The following TCF20 variants were observed in gnomAD, a reference collection of about 807,000 sequenced individuals.
TCF20 encodes transcription factor 20.
Under a neutral mutation model 148.6 loss-of-function variants are expected in TCF20, and 3 were observed. That is an observed-to-expected ratio of 0.02 (90% confidence interval 0.01 to 0.05). The LOEUF (loss-of-function observed/expected upper bound fraction) is 0.05. Among genes scored for constraint, TCF20 ranks in the 10% least tolerant of loss-of-function variants. The probability of loss-of-function intolerance (pLI) is 1.00; values close to 1 mark genes in which losing one functional copy is unlikely to be tolerated. For synonymous variants in TCF20, 1,049 were observed against 909.5 expected (o/e 1.15, Z -2.76); for missense variants, 2,350 against 2,429.3 (o/e 0.97, Z 0.69).
chr22:42,311,997 G>A (rs1343301183), intron 1 of TCF20, among the ~76,000 whole-genome samples: 3 of 152,180 alleles, frequency 2.0e-5, no homozygotes, highest in Admixed American at 6.5e-5. Flanking sequence ...AATCACAAAC[G>A]GTAAAACTTC....
intron 2 of TCF20, among the ~76,000 whole-genome samples, chr22:42,190,620 A>G (rs957644805): frequency 6.6e-5 from 10 of 152,244 alleles, no homozygotes; most frequent in South Asian, 2.1e-4. Flanking sequence ...CAGCACAGAC[A>G]TCCAGGAGGA....
chr22:42,223,060 G>A (rs1426982696), intron 1 of TCF20, among the ~76,000 whole-genome samples: 1 of 152,114 alleles, frequency 6.6e-6, no homozygotes, highest in Non-Finnish European at 1.5e-5. Context: ...GAGGCAGGAG[G>A]ATCACTTGAG....
intron 2 of TCF20, among the ~76,000 whole-genome samples, chr22:42,207,224 G>A (rs748588295): frequency 5.3e-5 from 8 of 151,936 alleles, no homozygotes; most frequent in Admixed American, 4.6e-4. Flanking sequence ...CAAAGTCCGC[G>A]CACTGAATCA....
Position 42,211,911 on chromosome 22 carries a change from ACT to A in TCF20, c.3393_3394del (p.Arg1131SerfsTer8). Reference sequence around the variant, plus strand: ...TTTGTCATTTTTCAGAGGGCTCCGTACTCTGTCAAGAAACTGCTGCTGCCTTG... The same window carrying A: ...TTTGTCATTTTTCAGAGGGCTCCGTACTGTCAAGAAACTGCTGCTGCCTTG... On this transcript the variant is annotated frameshift_variant, in exon 2 of 6. Transcript: ENST00000677622. LOFTEE classifies it high-confidence loss of function. The A allele has an allele frequency of 6.2e-7, 1 of 1,613,908 alleles. No homozygotes were observed. Among genetic ancestry groups the A allele is most frequent in the Non-Finnish European group, 8.5e-7 (1 of 1,179,992 alleles).
intron 1 of TCF20, among the ~76,000 whole-genome samples, chr22:42,301,368 G>A (rs1289208436): frequency 2.0e-5 from 3 of 152,212 alleles, no homozygotes; most frequent in African/African-American, 7.2e-5. Context: ...GTGCACCTTG[G>A]GGAGACAGAC....
chr22:42,223,243 A>G (rs1335041713), intron 1 of TCF20, among the ~76,000 whole-genome samples: 6 of 152,168 alleles, frequency 3.9e-5, no homozygotes, highest in Non-Finnish European at 7.3e-5. Context: ...AATGAGGGGG[A>G]AAAATTAATG....
At chr22:42,175,672 C>CA (rs1936406028) in intron 3 of TCF20, among the ~76,000 whole-genome samples, 1 of 152,014 alleles carries the variant, frequency 6.6e-6, no homozygotes, top group African/African-American at 2.4e-5. Flanking sequence ...AAGGATTTAA[C>CA]AGCTGTACTA....
intron 1 of TCF20, among the ~76,000 whole-genome samples, chr22:42,240,657 C>A (rs1924310195): frequency 6.6e-6 from 1 of 152,142 alleles, no homozygotes; most frequent in African/African-American, 2.4e-5. Context: ...CCAGAAAGTG[C>A]CTGGCTCACT....
chr22:42,318,098 A>G (rs918582697), intron 1 of TCF20, among the ~76,000 whole-genome samples: 7 of 152,250 alleles, frequency 4.6e-5, no homozygotes, highest in South Asian at 2.1e-4. Flanking sequence ...ACAGGCCCCA[A>G]CGGGGCACCA....
intron 1 of TCF20, among the ~76,000 whole-genome samples, chr22:42,225,403 A>G (rs1922786488): frequency 6.6e-6 from 1 of 151,190 alleles, no homozygotes; most frequent in Admixed American, 6.6e-5. Context: ...TCATGAGGTC[A>G]GGAGATCGAG....
chr22:42,209,895 C>G lies in TCF20; in HGVS notation c.5411G>C (p.Arg1804Thr). The G allele has an allele frequency of 6.2e-7, 1 of 1,614,204 alleles. No individual in the cohort carries two copies. Among genetic ancestry groups the G allele is most frequent in the Non-Finnish European group, 8.5e-7 (1 of 1,180,028 alleles). ...DCGGGPRSLS[R>T]GLPCKKAATE... Reference sequence around the variant, plus strand: ...GGCTGCTTTTTTACAAGGGAGCCCCCTGGACAGGGACCGAGGGCCTCCACC... The same window carrying G: ...GGCTGCTTTTTTACAAGGGAGCCCCGTGGACAGGGACCGAGGGCCTCCACC... Residue 1804 changes from arginine to threonine, a missense_variant, in exon 2 of 6, where the codon AGG (arginine) becomes ACG (threonine). Transcript: ENST00000677622.
chr22:42,260,353 A>T (rs1436854485), intron 1 of TCF20, among the ~76,000 whole-genome samples: 1 of 152,194 alleles, frequency 6.6e-6, no homozygotes, highest in East Asian at 1.9e-4. Flanking sequence ...AGACCACTGG[A>T]GCATTTTAGG....
At chr22:42,285,582 A>G (rs576299003), upstream of TCF20, among the ~76,000 whole-genome samples, 11 of 152,204 alleles carry the variant, frequency 7.2e-5, no homozygotes, top group Non-Finnish European at 1.6e-4. This position sits in a 1 kb window ranked among gnomAD's most constrained non-coding sequence, Gnocchi z 4.2. Context: ...GAAGAAACCT[A>G]GAACAAACGC....
chr22:42,303,243 C>T (rs1397928383), intron 1 of TCF20, among the ~76,000 whole-genome samples: 2 of 152,236 alleles, frequency 1.3e-5, no homozygotes, highest in African/African-American at 2.4e-5. Context: ...CAACCATCTA[C>T]TGGATGTCCC....
chr22:42,182,990 G>A (rs575674049), intron 2 of TCF20, among the ~76,000 whole-genome samples: 1 of 152,292 alleles, frequency 6.6e-6, no homozygotes, highest in Admixed American at 6.5e-5. Context: ...ACCTGCCTTG[G>A]CTTCCCAAAG....
chr22:42,219,825 C>T (rs1168353783), intron 1 of TCF20, among the ~76,000 whole-genome samples: 1 of 152,140 alleles, frequency 6.6e-6, no homozygotes, highest in Non-Finnish European at 1.5e-5. Flanking sequence ...CACTGCCCTC[C>T]AGCCTGGGCA....
chr22:42,302,578 C>G (rs1038395634), intron 1 of TCF20, among the ~76,000 whole-genome samples: 1 of 152,214 alleles, frequency 6.6e-6, no homozygotes, highest in African/African-American at 2.4e-5. Context: ...AAGACAGAGA[C>G]CGGCCTCTTT....
chr22:42,269,987 C>T (rs1351188741), intron 1 of TCF20: 1 of 152,348 alleles, frequency 6.6e-6, no homozygotes, highest in Non-Finnish European at 1.5e-5. Context: ...CCCGCTCACA[C>T]CCGCCGCCTT....
chr22:42,226,071 T>C (rs543126053), intron 1 of TCF20, among the ~76,000 whole-genome samples: 19 of 152,326 alleles, frequency 1.2e-4, no homozygotes, highest in African/African-American at 4.3e-4. Context: ...ACCTGGGCCC[T>C]ATCCTGGCCC....
Sources: allele counts gnomAD v4.1 joint callset (sites outside exome capture counted in the v4.1 genomes callset), GRCh38; gene constraint gnomAD v4.1.1; non-coding constraint Gnocchi (gnomAD v3.1); transcripts MANE v1.5; gene names NCBI Gene and HGNC (gene_info 2026-07-23, HGNC 2026-07-21).